The following TMTC2 variants were observed in gnomAD, a reference collection of about 807,000 sequenced individuals.
TMTC2 encodes the protein protein O-mannosyl-transferase TMTC2.
Under a neutral mutation model 82.4 loss-of-function variants are expected in TMTC2, and 43 were observed. The observed-to-expected ratio is 0.52, with a 90% CI of 0.41 to 0.67. The LOEUF is 0.67. Among genes scored for constraint, TMTC2 ranks in the 30% least tolerant of loss-of-function variants. The probability of loss-of-function intolerance (pLI) is 0.00; values close to 1 mark genes in which losing one functional copy is unlikely to be tolerated. For synonymous variants in TMTC2, 408 were observed against 381.9 expected, an observed-to-expected ratio of 1.07 and a Z score of -0.80; for missense variants, 919 against 1,012.4, an observed-to-expected ratio of 0.91 and a Z score of 1.25.
chr12:82,781,303 A>G (rs1272888110), intron 1 of TMTC2, among the ~76,000 whole-genome samples: 3 of 151,496 alleles, frequency 2.0e-5, no homozygotes, highest in African/African-American at 7.3e-5. Context: ...AAGAATTTTT[A>G]TTGCTAGGAG....
chr12:83,055,566 C>T (rs189622982), intron 10 of TMTC2, among the ~76,000 whole-genome samples: 33 of 152,034 alleles, frequency 2.2e-4, no homozygotes, highest in East Asian at 7.7e-4. Flanking sequence ...AAACATTTTC[C>T]GTGAATGGAT....
chr12:82,881,806 A>G (rs1026594509), intron 2 of TMTC2, among the ~76,000 whole-genome samples: 6 of 152,206 alleles, frequency 3.9e-5, no homozygotes, highest in African/African-American at 1.4e-4. Context: ...TTGTGCTTTC[A>G]GCAAAGTTAT....
chr12:82,709,295 G>T (rs1018263584), intron 1 of TMTC2, among the ~76,000 whole-genome samples: 3 of 152,148 alleles, frequency 2.0e-5, no homozygotes, highest in Admixed American at 2.0e-4. Context: ...GTTAATTTAT[G>T]TGGCTAGAAA....
chr12:82,914,258 A>C (rs1874863943), intron 3 of TMTC2, among the ~76,000 whole-genome samples: 1 of 152,226 alleles, frequency 6.6e-6, no homozygotes, highest in African/African-American at 2.4e-5. Flanking sequence ...TCATTAGCAC[A>C]TGTAAATATT....
chr12:83,005,671 T>C (rs1040256816), intron 8 of TMTC2, among the ~76,000 whole-genome samples: 4 of 152,150 alleles, frequency 2.6e-5, no homozygotes, highest in Admixed American at 6.5e-5. Context: ...CCCTTTGAGA[T>C]CGAGCACCAG....
intron 1 of TMTC2, among the ~76,000 whole-genome samples, chr12:82,800,969 A>G (rs1878968404): frequency 6.6e-6 from 1 of 152,180 alleles, no homozygotes; most frequent in South Asian, 2.1e-4. Flanking sequence ...ATACTAGCCT[A>G]TAGTTTTGTA....
At chr12:82,920,869 C>T (rs1592628741) in intron 3 of TMTC2, among the ~76,000 whole-genome samples, 2 of 151,988 alleles carry the variant, frequency 1.3e-5, no homozygotes, top group East Asian at 3.9e-4. Context: ...ATAAATATAC[C>T]AAAGTTCCCA....
chr12:82,876,363 G>A (rs1205875621), intron 2 of TMTC2, among the ~76,000 whole-genome samples: 2 of 152,132 alleles, frequency 1.3e-5, no homozygotes, highest in Non-Finnish European at 2.9e-5. Context: ...GGTGAGGAGT[G>A]CATTGGTGGT....
At chr12:82,808,941 C>T (rs115186497) in intron 1 of TMTC2, among the ~76,000 whole-genome samples, 2,266 of 151,400 alleles carry the variant, frequency 0.015, 52 homozygotes, top group African/African-American at 0.051. Flanking sequence ...TCTCTTTTTC[C>T]ACTTGGTATG....
chr12:82,922,169 A>T (rs1276073097), intron 3 of TMTC2, among the ~76,000 whole-genome samples: 1 of 152,202 alleles, frequency 6.6e-6, no homozygotes, highest in Non-Finnish European at 1.5e-5. Flanking sequence ...GAACTTGGAG[A>T]ATTTTATTTC....
chr12:82,882,289 G>A (rs577002080), intron 2 of TMTC2, among the ~76,000 whole-genome samples: 3 of 152,082 alleles, frequency 2.0e-5, no homozygotes, highest in Non-Finnish European at 2.9e-5. Flanking sequence ...GTGAGCCACC[G>A]CGCCCGGCCA....
At chr12:83,040,012 C>T (rs1881827568) in intron 9 of TMTC2, among the ~76,000 whole-genome samples, 1 of 152,220 alleles carries the variant, frequency 6.6e-6, no homozygotes, top group Admixed American at 6.5e-5. Context: ...AATGCTAGTG[C>T]TGTTATGACT....
chr12:82,690,592 G>C lies in TMTC2; in HGVS notation c.83+2923G>C, dbSNP rs76366392. On this transcript the variant is annotated intron_variant, in intron 1 of 11. Transcript: ENST00000321196. ...TATGGTAAAATTTAATATTTTACAA[G>C]TGTTTCTGTGCTAAATTTAAGAATA... Among the ~76,000 whole-genome samples, 134 of 152,248 alleles carry C rather than the reference G, an allele frequency of 8.8e-4. 1 individual carries two copies. The East Asian group carries it at 0.024, about 28-fold the overall frequency.
In TMTC2 at chr12:83,022,936, T is replaced by G. The variant is rs185130639; in HGVS notation, c.2071-7862T>G. On this transcript the variant is annotated intron_variant, in intron 8 of 11. Transcript: ENST00000321196. ...AACATTGTATTTCATTGAAATGATT[T>G]TTGGCTACTCAAGTTCATGCTAGCG... 4.5e-3 allele frequency among the ~76,000 whole-genome samples: 690 copies of G among 152,324 alleles called. 3 individuals carry two copies. The highest frequency in any genetic ancestry group is 0.017 in the Middle Eastern group (5 of 294).
chr12:82,840,676 A>G (rs1870283264), intron 1 of TMTC2, among the ~76,000 whole-genome samples: 1 of 152,228 alleles, frequency 6.6e-6, no homozygotes, highest in South Asian at 2.1e-4. Context: ...ATGGAGAGCT[A>G]AAAAGGCACT....
At chr12:83,089,011 A>G (rs961712617) in intron 11 of TMTC2, among the ~76,000 whole-genome samples, 3 of 152,194 alleles carry the variant, frequency 2.0e-5, no homozygotes, top group Admixed American at 6.5e-5. Context: ...GCAGCTGGTC[A>G]TATCTCATAC....
At chr12:82,903,378 C>T (rs1475697251) in intron 3 of TMTC2, among the ~76,000 whole-genome samples, 1 of 150,944 alleles carries the variant, frequency 6.6e-6, no homozygotes, top group African/African-American at 2.4e-5. Context: ...GAATGTACAA[C>T]ACAAGAAGGT....
chr12:82,811,948 G>A (rs1868418786), intron 1 of TMTC2, among the ~76,000 whole-genome samples: 1 of 151,196 alleles, frequency 6.6e-6, no homozygotes, highest in South Asian at 2.1e-4. Context: ...CCCCCGAGCA[G>A]CTGGGATTAT....
intron 1 of TMTC2, among the ~76,000 whole-genome samples, chr12:82,734,089 G>A (rs917522106): frequency 3.9e-5 from 6 of 152,108 alleles, no homozygotes; most frequent in Middle Eastern, 3.2e-3. Flanking sequence ...ATCACATCAG[G>A]GTATGTGAGT....
Sources: gnomAD v4.1 joint callset for allele counts (sites outside exome capture counted in the v4.1 genomes callset) on GRCh38, gnomAD v4.1.1 for gene constraint, MANE v1.5 for transcripts, NCBI Gene and HGNC (gene_info 2026-07-23, HGNC 2026-07-21) for gene names.